The following VKORC1L1 variants were observed in gnomAD, a reference collection of about 807,000 sequenced individuals.
VKORC1L1 encodes the protein vitamin K epoxide reductase complex subunit 1L1.
A neutral mutation model predicts 18.9 loss-of-function variants in VKORC1L1; 2 were observed. That is an observed-to-expected ratio of 0.11 (90% CI 0.04 to 0.33). The LOEUF is 0.33. Ranked by LOEUF, VKORC1L1 falls within the 10% of genes least tolerant of loss-of-function variation. VKORC1L1 has a pLI of 1.00. For missense variants in VKORC1L1, 123 were observed against 224.1 expected (o/e 0.55, Z 2.88); for synonymous variants, 96 against 100.0 (o/e 0.96, Z 0.24).
chr7:65,942,598 CG>C (rs1790055243), intron 1 of VKORC1L1, among the ~76,000 whole-genome samples: 1 of 151,024 alleles, frequency 6.6e-6, no homozygotes, highest in African/African-American at 2.4e-5. Flanking sequence ...AGTGCAGTGG[CG>C]CAATCTCGGC....
chr7:65,912,055 C>G (rs2115577307), intron 1 of VKORC1L1, among the ~76,000 whole-genome samples: 1 of 152,214 alleles, frequency 6.6e-6, no homozygotes, highest in African/African-American at 2.4e-5. Flanking sequence ...GCCTGGGAAA[C>G]AGAGGTTGCA....
intron 1 of VKORC1L1, among the ~76,000 whole-genome samples, chr7:65,895,453 GAAAAAAAAAA>G (rs1167891625): frequency 6.0e-3 from 159 of 26,586 alleles, no homozygotes; most frequent in Middle Eastern, 0.033. Flanking sequence ...CCATCTGTGA[GAAAAAAAAAA>G]AAAAAAAAAA....
At chr7:65,941,384 G>A (rs1426429966) in intron 1 of VKORC1L1, among the ~76,000 whole-genome samples, 3 of 152,060 alleles carry the variant, frequency 2.0e-5, no homozygotes, top group Non-Finnish European at 4.4e-5. Flanking sequence ...CCAAAGTGCT[G>A]GATTACAGGC....
At chr7:65,950,517 A>G (rs1035974382) in intron 2 of VKORC1L1, among the ~76,000 whole-genome samples, 6 of 152,196 alleles carry the variant, frequency 3.9e-5, no homozygotes, top group African/African-American at 1.4e-4. Context: ...ATAAATCTAA[A>G]TCATCCTCAG....
At chr7:65,876,502 TAA>T (rs776287254) in intron 1 of VKORC1L1, among the ~76,000 whole-genome samples, 35 of 136,956 alleles carry the variant, frequency 2.6e-4, no homozygotes, top group Non-Finnish European at 2.9e-4. Context: ...ACTCTGTCTT[TAA>T]AAAAAAAAAA....
chr7:65,878,681 G>T (rs1452158366), intron 1 of VKORC1L1, among the ~76,000 whole-genome samples: 2 of 152,074 alleles, frequency 1.3e-5, no homozygotes, highest in African/African-American at 4.8e-5. Context: ...GAGGTGGGCG[G>T]ATCACGAGGT....
intron 1 of VKORC1L1, among the ~76,000 whole-genome samples, chr7:65,901,812 T>C (rs1186465304): frequency 6.6e-6 from 1 of 152,148 alleles, no homozygotes; most frequent in African/African-American, 2.4e-5. Flanking sequence ...GGAGAACACC[T>C]GAGGCCAGAG....
At chr7:65,901,514 A>G (rs184678243) in intron 1 of VKORC1L1, among the ~76,000 whole-genome samples, 9 of 152,358 alleles carry the variant, frequency 5.9e-5, no homozygotes, top group African/African-American at 2.2e-4. Flanking sequence ...GTAACAGGCA[A>G]AGCAAGACTG....
intron 1 of VKORC1L1, among the ~76,000 whole-genome samples, chr7:65,947,250 C>T (rs1169541195): frequency 1.3e-5 from 2 of 152,136 alleles, no homozygotes; most frequent in South Asian, 2.1e-4. Flanking sequence ...CCAACATCAT[C>T]GTTATACAGG....
chr7:65,872,317 ATCTC>A (rs890461781), upstream of VKORC1L1, among the ~76,000 whole-genome samples: 2 of 148,174 alleles, frequency 1.3e-5, no homozygotes, highest in African/African-American at 5.0e-5. Context: ...GCATTCGTAA[ATCTC>A]TCTTTTTTTT....
In VKORC1L1 at chr7:65,958,955, A is replaced by G. The variant is rs528259450; in HGVS notation, c.*4655A>G. The stretch of plus-strand genomic sequence containing the variant: ...AATCCGTTGGAAATACAGCTGAGCC[A>G]TACTTCACGGAATAGAACAAGTGTG... On this transcript the variant is annotated 3_prime_UTR_variant, in exon 3 of 3. Coordinates refer to ENST00000360768, the MANE Select transcript of VKORC1L1 (RefSeq NM_173517.6). The G allele has an allele frequency of 1.1e-4, 17 of 152,374 alleles. No homozygotes were observed. The highest frequency in any genetic ancestry group is 3.3e-4 in the Admixed American group (5 of 15,302). The allele number at this position is 152,374 out of a possible 1,614,324, so 9.4% of individuals were successfully genotyped here.
chr7:65,897,309 G>A (rs982348269), intron 1 of VKORC1L1, among the ~76,000 whole-genome samples: 3 of 152,138 alleles, frequency 2.0e-5, no homozygotes, highest in African/African-American at 4.8e-5. Flanking sequence ...AAAAATACCC[G>A]ATTAACATGA....
chr7:65,877,829 G>A (rs1443611778), intron 1 of VKORC1L1, among the ~76,000 whole-genome samples: 2 of 152,106 alleles, frequency 1.3e-5, no homozygotes, highest in African/African-American at 4.8e-5. Flanking sequence ...ATATACCATA[G>A]GGGATTGGTT....
At chr7:65,900,039 G>A (rs530158447) in intron 1 of VKORC1L1, among the ~76,000 whole-genome samples, 7 of 129,878 alleles carry the variant, frequency 5.4e-5, no homozygotes, top group South Asian at 5.6e-4. Flanking sequence ...GCATGTGCAC[G>A]CACGTGTGTG....
At position 65,886,839 on chromosome 7, in the gene VKORC1L1, G is replaced by GTTTTT. The variant is rs56234924; in HGVS notation, c.194+13296_194+13300dup. ...GGCGTGAGCCACTGCGCCTGTCCGA[G>GTTTTT]TTTTTTTTTTTTTTTTTTTTTTTTT... On this transcript the variant is annotated intron_variant, in intron 1 of 2. Coordinates refer to ENST00000360768, the MANE Select transcript of VKORC1L1 (RefSeq NM_173517.6). 3.6e-4 allele frequency among the ~76,000 whole-genome samples: 21 copies of GTTTTT among 58,626 alleles called. 1 individual carries two copies. Among genetic ancestry groups the GTTTTT allele is most frequent in the East Asian group, 2.1e-3 (3 of 1,458 alleles). 38.5% of individuals were successfully genotyped at this position (58,626 alleles called of 152,430 possible).
intron 1 of VKORC1L1, among the ~76,000 whole-genome samples, chr7:65,941,367 T>C (rs1238459378): frequency 6.6e-6 from 1 of 152,120 alleles, no homozygotes; most frequent in Non-Finnish European, 1.5e-5. Context: ...TCTCCCACCA[T>C]GGCCTCCCAA....
At chr7:65,866,259 A>G in the VKORC1L1 span, among the ~76,000 whole-genome samples, 1 of 152,220 alleles carries the variant, frequency 6.6e-6, no homozygotes, top group East Asian at 1.9e-4. Context: ...TAACACACAG[A>G]CCCACCAGGA....
rs545308341 is a variant in VKORC1L1 at position 65,900,790 on chromosome 7, G to A, written c.194+27225G>A. ...ATTGAACTCCTGCCTGGGTGACAGA[G>A]CAAGACTCTGCTAAAAATAATAATA... On this transcript the variant is annotated intron_variant, in intron 1 of 2. Coordinates refer to ENST00000360768, the MANE Select transcript of VKORC1L1 (RefSeq NM_173517.6). Among the ~76,000 whole-genome samples the A allele has an allele frequency of 1.1e-4, 16 of 152,282 alleles. No homozygotes were observed. The East Asian group carries it at 2.9e-3, about 28-fold the overall frequency.
At chr7:65,902,283 A>C (rs751587457) in intron 1 of VKORC1L1, among the ~76,000 whole-genome samples, 5 of 152,234 alleles carry the variant, frequency 3.3e-5, no homozygotes, top group Non-Finnish European at 5.9e-5. Flanking sequence ...AAAGTAGAGG[A>C]AATGGTTAAC....
Sources: allele counts gnomAD v4.1 joint callset (sites outside exome capture counted in the v4.1 genomes callset), GRCh38; gene constraint gnomAD v4.1.1; transcripts MANE v1.5; gene names NCBI Gene and HGNC (gene_info 2026-07-23, HGNC 2026-07-21).